Variants in DISC1 observed in about 807,000 individuals in gnomAD.
DISC1 encodes the protein DISC1 scaffold protein.
DISC1 carries 57 observed loss-of-function variants against 84.5 expected under a neutral mutation model. That is an observed-to-expected ratio of 0.67 (90% CI 0.55 to 0.84). The LOEUF (loss-of-function observed/expected upper bound fraction) is 0.84, where lower values mean the gene tolerates loss of function less well. DISC1 is among the 40% of genes least tolerant of loss of function. DISC1 has a pLI of 0.00. For synonymous variants in DISC1, 411 were observed against 415.2 expected (o/e 0.99, Z 0.12); for missense variants, 1,000 against 1,057.8 (o/e 0.95, Z 0.76).
intron 1 of DISC1, among the ~76,000 whole-genome samples, chr1:231,679,770 C>T (rs900636336): frequency 3.3e-5 from 5 of 152,188 alleles, no homozygotes; most frequent in African/African-American, 7.2e-5. Flanking sequence ...TTCCCACTGT[C>T]GTCTTCCATA....
chr1:231,719,687 G>A (rs2069342047), intron 3 of DISC1, among the ~76,000 whole-genome samples: 1 of 152,180 alleles, frequency 6.6e-6, no homozygotes, highest in African/African-American at 2.4e-5. Flanking sequence ...AGGTATTTTA[G>A]ATCTGCTAGA....
chr1:231,695,616 C>T (rs2065568490), intron 2 of DISC1, among the ~76,000 whole-genome samples: 1 of 136,842 alleles, frequency 7.3e-6, no homozygotes, highest in Non-Finnish European at 1.6e-5. Context: ...TGTAGGTGTG[C>T]CTGTGTGTGC....
At chr1:232,016,603 G>T (rs1668510370) in intron 11 of DISC1, among the ~76,000 whole-genome samples, 1 of 152,192 alleles carries the variant, frequency 6.6e-6, no homozygotes, top group Non-Finnish European at 1.5e-5. Context: ...GCTTTTCAAA[G>T]GTTGCCCTTC....
intron 4 of DISC1, among the ~76,000 whole-genome samples, chr1:231,759,338 G>A (rs1046782741): frequency 1.3e-5 from 2 of 151,900 alleles, no homozygotes; most frequent in African/African-American, 4.8e-5. Flanking sequence ...GAAAATAACT[G>A]TTACAGACAC....
chr1:231,810,270 G>A (rs1439149115), intron 8 of DISC1, among the ~76,000 whole-genome samples: 2 of 152,210 alleles, frequency 1.3e-5, no homozygotes, highest in African/African-American at 4.8e-5. Context: ...CTGCAGGGAA[G>A]CAGGAGAAAC....
At chr1:231,837,350 A>G (rs917849524) in intron 9 of DISC1, among the ~76,000 whole-genome samples, 3 of 152,314 alleles carry the variant, frequency 2.0e-5, no homozygotes, top group Non-Finnish European at 4.4e-5. Flanking sequence ...GGGAGACATG[A>G]TATTTTTTAT....
At chr1:231,889,843 G>T (rs2087071162) in intron 9 of DISC1, among the ~76,000 whole-genome samples, 3 of 151,990 alleles carry the variant, frequency 2.0e-5, no homozygotes, top group African/African-American at 7.3e-5. Context: ...AGCGGAAGTT[G>T]ATGACTTCAA....
chr1:231,870,616 C>T (rs2085388862), intron 9 of DISC1, among the ~76,000 whole-genome samples: 1 of 152,156 alleles, frequency 6.6e-6, no homozygotes, highest in African/African-American at 2.4e-5. Flanking sequence ...ATCAGTGCAG[C>T]ACGAACTGTG....
chr1:231,671,211 G>T (rs1279969923), intron 1 of DISC1, among the ~76,000 whole-genome samples: 2 of 151,350 alleles, frequency 1.3e-5, no homozygotes, highest in African/African-American at 4.9e-5. Flanking sequence ...GTTTAGTTTG[G>T]TTTCCTATTT....
chr1:231,671,712 TA>T (rs1455003322), intron 1 of DISC1, among the ~76,000 whole-genome samples: 1 of 152,202 alleles, frequency 6.6e-6, no homozygotes, highest in African/African-American at 2.4e-5. Context: ...AATATAGTGT[TA>T]AGAGCATAGT....
chr1:231,670,726 T>A (rs947082379), intron 1 of DISC1: 2 of 152,216 alleles, frequency 1.3e-5, no homozygotes, highest in African/African-American at 4.8e-5. Flanking sequence ...AACCAATTTT[T>A]CAGCCTTGGT....
intron 3 of DISC1, chr1:231,723,912 C>G: frequency 1.0e-6 from 1 of 985,438 alleles, no homozygotes; most frequent in Non-Finnish European, 1.2e-6. Context: ...GATGTCTGGA[C>G]AATTAATTCC....
chr1:231,643,679 A>G (rs932961943), intron 1 of DISC1, among the ~76,000 whole-genome samples: 1 of 152,222 alleles, frequency 6.6e-6, no homozygotes, highest in Admixed American at 6.5e-5. Flanking sequence ...ACTGGGAATA[A>G]GCTATTTAAT....
intron 6 of DISC1, among the ~76,000 whole-genome samples, chr1:231,776,311 A>C (rs1233432863): frequency 6.6e-6 from 1 of 152,204 alleles, no homozygotes; most frequent in East Asian, 1.9e-4. Flanking sequence ...TGAGTTCTTC[A>C]TTCCTCAGCT....
intron 1 of DISC1, among the ~76,000 whole-genome samples, chr1:231,649,885 C>A (rs1484531093): frequency 6.6e-6 from 1 of 152,100 alleles, no homozygotes; most frequent in East Asian, 1.9e-4. Flanking sequence ...GCAACCCCTG[C>A]TTTTTTCTTT....
At chr1:231,821,827 C>T (rs897406536) in intron 9 of DISC1, among the ~76,000 whole-genome samples, 1 of 151,632 alleles carries the variant, frequency 6.6e-6, no homozygotes, top group African/African-American at 2.4e-5. Context: ...GATTCTCCTG[C>T]CTCAGCCTCC....
chr1:231,870,507 T>G (rs2085380465), intron 9 of DISC1, among the ~76,000 whole-genome samples: 1 of 152,204 alleles, frequency 6.6e-6, no homozygotes, highest in South Asian at 2.1e-4. Context: ...CGGCCCGAGC[T>G]GTCTGTTGGT....
intron 1 of DISC1, among the ~76,000 whole-genome samples, chr1:231,664,039 T>TCCATCC (rs1558276331): frequency 3.4e-5 from 5 of 146,312 alleles, no homozygotes; most frequent in African/African-American, 1.3e-4. Flanking sequence ...TCCATCTATC[T>TCCATCC]ATCCATCCAT....
In DISC1 at chr1:231,966,929, A is replaced by G. The variant is rs371140754; in HGVS notation, c.2042+8041A>G. On this transcript the variant is annotated intron_variant, in intron 10 of 12. Transcript: ENST00000439617. ...AAAATCTTTTAACTCTGTTTTGAAC[A>G]TAGAAGAAAGTAGTTGGATACCTCC... Among the ~76,000 whole-genome samples, 12 of 152,218 alleles carry G rather than the reference A, an allele frequency of 7.9e-5. 1 individual carries two copies. In the East Asian group the frequency reaches 1.5e-3, roughly 20 times the overall value.
Sources: gnomAD v4.1 joint callset for allele counts (sites outside exome capture counted in the v4.1 genomes callset) on GRCh38, gnomAD v4.1.1 for gene constraint, MANE v1.5 for transcripts, NCBI Gene and HGNC (gene_info 2026-07-23, HGNC 2026-07-21) for gene names.